MEIS1: variants seen among roughly 807,000 people sequenced by gnomAD.
MEIS1 encodes homeobox protein Meis1.
Under a neutral mutation model 50.8 loss-of-function variants are expected in MEIS1, and 5 were observed. The ratio of observed to expected loss-of-function variants is 0.10; its 90% CI spans 0.05 to 0.21. MEIS1 has a LOEUF of 0.21. MEIS1 is among the 10% of genes least tolerant of loss of function. The probability of loss-of-function intolerance (pLI) is 1.00; values close to 1 mark genes in which losing one functional copy is unlikely to be tolerated. For missense variants in MEIS1, 318 were observed against 517.3 expected, an observed-to-expected ratio of 0.61 and a Z score of 3.74; for synonymous variants, 176 against 179.3, an observed-to-expected ratio of 0.98 and a Z score of 0.15.
At chr2:66,455,468 C>A (rs1007755556) in intron 6 of MEIS1, among the ~76,000 whole-genome samples, 1 of 152,190 alleles carries the variant, frequency 6.6e-6, no homozygotes, top group Admixed American at 6.5e-5. Flanking sequence ...TTGGAATATT[C>A]TGAGTGTTGT....
intron 7 of MEIS1, among the ~76,000 whole-genome samples, chr2:66,476,245 C>T (rs565046691): frequency 6.6e-6 from 1 of 152,114 alleles, no homozygotes; most frequent in Non-Finnish European, 1.5e-5. Flanking sequence ...ATGACTTCAG[C>T]CTATAAAGCT....
chr2:66,559,301 A>C (rs1349495702), intron 9 of MEIS1, among the ~76,000 whole-genome samples: 4 of 152,238 alleles, frequency 2.6e-5, no homozygotes, highest in African/African-American at 9.6e-5. Flanking sequence ...GTGACCATGC[A>C]TCCCACTTTC....
At chr2:66,529,523 A>C (rs566963865) in intron 8 of MEIS1, among the ~76,000 whole-genome samples, 2 of 152,134 alleles carry the variant, frequency 1.3e-5, no homozygotes, top group East Asian at 3.9e-4. Flanking sequence ...TGCAGCCTCC[A>C]CCTCCCAGGT....
At chr2:66,508,234 A>G (rs1673731910) in intron 7 of MEIS1, among the ~76,000 whole-genome samples, 1 of 152,154 alleles carries the variant, frequency 6.6e-6, no homozygotes, top group African/African-American at 2.4e-5. Context: ...TCTGACAGGC[A>G]ATGAGTCTGC....
At chr2:66,468,561 C>A (rs528680900) in intron 7 of MEIS1, among the ~76,000 whole-genome samples, 2 of 152,330 alleles carry the variant, frequency 1.3e-5, no homozygotes, top group African/African-American at 4.8e-5. Context: ...TTGTCCAAGG[C>A]CACACACCGG....
intron 8 of MEIS1, among the ~76,000 whole-genome samples, chr2:66,524,229 G>T (rs560434804): frequency 6.6e-6 from 1 of 152,228 alleles, no homozygotes; most frequent in South Asian, 2.1e-4. Flanking sequence ...AAGCAGGCAT[G>T]GTCCAGCCTG....
At chr2:66,540,417 C>T (rs1674623478) in intron 8 of MEIS1, among the ~76,000 whole-genome samples, 2 of 152,176 alleles carry the variant, frequency 1.3e-5, no homozygotes, top group Admixed American at 6.5e-5. Flanking sequence ...CAAGTGGATT[C>T]TCCTGCCTCA....
chr2:66,500,870 T>C (rs1392993339), intron 7 of MEIS1, among the ~76,000 whole-genome samples: 2 of 152,218 alleles, frequency 1.3e-5, no homozygotes, highest in Non-Finnish European at 2.9e-5. Context: ...AGCAAATACA[T>C]ATGCAGAGTA....
chr2:66,446,719 T>C (rs571772706), intron 6 of MEIS1, among the ~76,000 whole-genome samples: 92 of 152,290 alleles, frequency 6.0e-4, no homozygotes, highest in South Asian at 2.1e-3. Flanking sequence ...CTTGCAGTTA[T>C]GGAACCAGAG....
At chr2:66,450,094 A>C (rs1226413721) in intron 6 of MEIS1, among the ~76,000 whole-genome samples, 1 of 152,196 alleles carries the variant, frequency 6.6e-6, no homozygotes, top group Non-Finnish European at 1.5e-5. Flanking sequence ...TTTAAGATAT[A>C]AAGTAACCAT....
chr2:66,462,044 G>C (rs755173686), intron 6 of MEIS1, among the ~76,000 whole-genome samples: 3 of 152,170 alleles, frequency 2.0e-5, no homozygotes, highest in Non-Finnish European at 4.4e-5. Context: ...GTGGGGGAGG[G>C]AGCAGAGCAG....
intron 8 of MEIS1, among the ~76,000 whole-genome samples, chr2:66,528,140 C>T (rs1006211469): frequency 6.6e-6 from 1 of 152,052 alleles, no homozygotes; most frequent in Non-Finnish European, 1.5e-5. Flanking sequence ...AACATTCTTT[C>T]AGTTACCACC....
chr2:66,507,715 C>T (rs1673717980), intron 7 of MEIS1, among the ~76,000 whole-genome samples: 1 of 152,146 alleles, frequency 6.6e-6, no homozygotes, highest in Admixed American at 6.5e-5. Context: ...GGAGAGGAGC[C>T]CCTGCTGACA....
chr2:66,527,645 G>A (rs1016426245), intron 8 of MEIS1, among the ~76,000 whole-genome samples: 1 of 148,664 alleles, frequency 6.7e-6, no homozygotes, highest in Non-Finnish European at 1.5e-5. Context: ...TGTGTGTTGG[G>A]GGGGAGACAG....
intron 7 of MEIS1, among the ~76,000 whole-genome samples, chr2:66,467,762 T>A (rs1252367100): frequency 6.6e-6 from 1 of 152,204 alleles, no homozygotes; most frequent in East Asian, 1.9e-4. Flanking sequence ...TGATGACCCT[T>A]TTTATGATAT....
chr2:66,521,773 C>T (rs1350037335), intron 8 of MEIS1, among the ~76,000 whole-genome samples: 3 of 152,190 alleles, frequency 2.0e-5, no homozygotes, highest in Non-Finnish European at 4.4e-5. Context: ...GCTAATGTCT[C>T]CTTCTCCCTG....
chr2:66,494,426 C>T (rs1206797939), intron 7 of MEIS1, among the ~76,000 whole-genome samples: 1 of 152,200 alleles, frequency 6.6e-6, no homozygotes, highest in Non-Finnish European at 1.5e-5. Context: ...CTGTATTACT[C>T]TAAAGAAATT....
intron 8 of MEIS1, among the ~76,000 whole-genome samples, chr2:66,513,596 T>TA (rs540333917): frequency 0.031 from 4,235 of 137,046 alleles, 154 homozygotes; most frequent in African/African-American, 0.093. Context: ...CAGGAATAGC[T>TA]AAAAAAAAAA....
In MEIS1 at chr2:66,514,458, G is replaced by A. The variant is rs369121357; in HGVS notation, c.888+2164G>A. Reference sequence around the variant, plus strand: ...GGCAATTGTAATCGAAATTATTCATGAACTGCCTGATTTCTTGAGACCTAA... The same window carrying A: ...GGCAATTGTAATCGAAATTATTCATAAACTGCCTGATTTCTTGAGACCTAA... On this transcript the variant is annotated intron_variant, in intron 8 of 12. Transcript: ENST00000272369. 1.0e-3 allele frequency among the ~76,000 whole-genome samples: 153 copies of A among 152,278 alleles called. No individual in the cohort carries two copies. In the Middle Eastern group the frequency reaches 0.014, roughly 14 times the overall value.
Sources: allele counts gnomAD v4.1 joint callset (sites outside exome capture counted in the v4.1 genomes callset), GRCh38; gene constraint gnomAD v4.1.1; transcripts MANE v1.5; gene names NCBI Gene and HGNC (gene_info 2026-07-23, HGNC 2026-07-21).